Variants in ZFHX3 observed in about 807,000 individuals in gnomAD.
The protein encoded by ZFHX3 is zinc finger homeobox 3.
A neutral mutation model predicts 279.1 loss-of-function variants in ZFHX3; 42 were observed. The observed-to-expected ratio is 0.15, with a 90% confidence interval of 0.12 to 0.19. The LOEUF (loss-of-function observed/expected upper bound fraction) is 0.19, where lower values mean the gene tolerates loss of function less well. Ranked by LOEUF, ZFHX3 falls within the 10% of genes least tolerant of loss-of-function variation. ZFHX3 has a pLI of 1.00. For missense variants in ZFHX3, 4,981 were observed against 4,754.0 expected, an observed-to-expected ratio of 1.05 and a Z score of -1.40; for synonymous variants, 2,293 against 1,957.8, an observed-to-expected ratio of 1.17 and a Z score of -4.52.
chr16:73,455,498 G>T (rs188410736), intron 3 of ZFHX3, among the ~76,000 whole-genome samples: 247 of 152,252 alleles, frequency 1.6e-3, no homozygotes, highest in Middle Eastern at 3.4e-3. Flanking sequence ...AAAGAAAGGT[G>T]ATGCTGAAGA....
intron 2 of ZFHX3, among the ~76,000 whole-genome samples, chr16:73,495,263 A>G (rs140809416): frequency 6.6e-6 from 1 of 152,310 alleles, no homozygotes; most frequent in East Asian, 1.9e-4. Flanking sequence ...ATAACCCTAA[A>G]GAAAAGGAAG....
At chr16:73,359,990 A>G (rs913652030) in intron 3 of ZFHX3, among the ~76,000 whole-genome samples, 5 of 152,184 alleles carry the variant, frequency 3.3e-5, no homozygotes, top group Admixed American at 3.3e-4. Flanking sequence ...GAGGTGCTGT[A>G]AACCTGAGTA....
intron 5 of ZFHX3, among the ~76,000 whole-genome samples, chr16:73,208,324 A>G (rs2011882317): frequency 6.6e-6 from 1 of 152,228 alleles, no homozygotes. Context: ...CATGTTTCTC[A>G]TATGAAAAAC....
At chr16:73,076,049 C>T (rs1479151659) in intron 8 of ZFHX3, among the ~76,000 whole-genome samples, 6 of 152,214 alleles carry the variant, frequency 3.9e-5, no homozygotes, top group Admixed American at 3.9e-4. Flanking sequence ...ACTTAATCCT[C>T]ACTGTGTAAC....
intron 2 of ZFHX3, among the ~76,000 whole-genome samples, chr16:73,623,333 G>A (rs1391232615): frequency 6.6e-6 from 1 of 152,186 alleles, no homozygotes; most frequent in African/African-American, 2.4e-5. Flanking sequence ...ACTGCGCCCG[G>A]CCGGGCACAT....
chr16:73,498,829 C>T (rs7203112), intron 2 of ZFHX3, among the ~76,000 whole-genome samples: 4 of 152,058 alleles, frequency 2.6e-5, no homozygotes, highest in Non-Finnish European at 5.9e-5. Context: ...AAAAAGAGGA[C>T]CTTATTGAGA....
chr16:73,452,484 T>C (rs2018294849), intron 3 of ZFHX3, among the ~76,000 whole-genome samples: 2 of 152,158 alleles, frequency 1.3e-5, no homozygotes, highest in South Asian at 2.1e-4. Flanking sequence ...CAGTCCTAGG[T>C]AGTTAAATCA....
At chr16:73,841,468 G>A (rs1016426650) in intron 1 of ZFHX3, among the ~76,000 whole-genome samples, 5 of 152,022 alleles carry the variant, frequency 3.3e-5, no homozygotes, top group African/African-American at 7.2e-5. Flanking sequence ...GGGCTGAGTC[G>A]GCTGGGAGAT....
At chr16:73,616,857 G>A (rs1483626244) in intron 2 of ZFHX3, among the ~76,000 whole-genome samples, 1 of 152,158 alleles carries the variant, frequency 6.6e-6, no homozygotes, top group Non-Finnish European at 1.5e-5. Flanking sequence ...AGAGGAAGGC[G>A]ATAAGTTAAA....
chr16:73,453,879 C>A (rs1411482491), intron 3 of ZFHX3, among the ~76,000 whole-genome samples: 2 of 152,134 alleles, frequency 1.3e-5, no homozygotes, highest in Admixed American at 6.5e-5. Context: ...ACCAGAACAG[C>A]ACAGAAAAGA....
intron 3 of ZFHX3, among the ~76,000 whole-genome samples, chr16:73,417,396 CTTTTTT>C (rs57283343): frequency 1.7e-5 from 2 of 118,772 alleles, no homozygotes; most frequent in African/African-American, 6.6e-5. Context: ...TTTTTCTTTT[CTTTTTT>C]TTTTTTTTTT....
chr16:72,886,058 G>A (rs539369600), intron 4 of ZFHX3, among the ~76,000 whole-genome samples: 7 of 152,178 alleles, frequency 4.6e-5, no homozygotes, highest in African/African-American at 7.2e-5. Context: ...CATAATGTCC[G>A]TTCTCTTGAA....
At chr16:73,599,798 A>G (rs575298659) in intron 2 of ZFHX3, among the ~76,000 whole-genome samples, 1 of 152,094 alleles carries the variant, frequency 6.6e-6, no homozygotes, top group South Asian at 2.1e-4. Flanking sequence ...CCACCGGTAT[A>G]ATGAGACTCA....
chr16:73,423,921 A>G (rs1170553005), intron 3 of ZFHX3, among the ~76,000 whole-genome samples: 1 of 151,916 alleles, frequency 6.6e-6, no homozygotes, highest in Non-Finnish European at 1.5e-5. Context: ...GTATCTCTGG[A>G]CAATATTGGG....
intron 3 of ZFHX3, among the ~76,000 whole-genome samples, chr16:72,949,807 C>A (rs1432587847): frequency 6.6e-6 from 1 of 151,108 alleles, no homozygotes; most frequent in Non-Finnish European, 1.5e-5. Context: ...CAATTTTCCC[C>A]ACAGCATTTA....
At chr16:73,744,029 G>C (rs117084584) in intron 1 of ZFHX3, among the ~76,000 whole-genome samples, 1 of 151,856 alleles carries the variant, frequency 6.6e-6, no homozygotes, top group Non-Finnish European at 1.5e-5. Flanking sequence ...TCCGCAAACC[G>C]ACCCCCGCCA....
chr16:73,517,075 A>G (rs2019535548), intron 2 of ZFHX3, among the ~76,000 whole-genome samples: 1 of 152,148 alleles, frequency 6.6e-6, no homozygotes. Flanking sequence ...CCCCCATAAC[A>G]AATCCATCAG....
At chr16:72,992,540 G>T (rs58563212) in intron 1 of ZFHX3, among the ~76,000 whole-genome samples, 34,558 of 151,898 alleles carry the variant, frequency 0.23, 4,164 homozygotes, top group East Asian at 0.4. Context: ...ATTCCCTAGG[G>T]GGGTGCCTCC....
intron 2 of ZFHX3, among the ~76,000 whole-genome samples, chr16:73,560,799 G>A (rs890539605): frequency 1.3e-5 from 2 of 152,208 alleles, no homozygotes; most frequent in African/African-American, 4.8e-5. Flanking sequence ...TCTCACTTGT[G>A]TGAGTCGCTG....
Sources: allele counts gnomAD v4.1 joint callset (sites outside exome capture counted in the v4.1 genomes callset), GRCh38; gene constraint gnomAD v4.1.1; transcripts MANE v1.5; gene names NCBI Gene and HGNC (gene_info 2026-07-23, HGNC 2026-07-21).